Variants in RYR3 observed in about 807,000 individuals in gnomAD.
The protein encoded by RYR3 is brain ryanodine receptor-calcium release channel.
RYR3 carries 207 observed loss-of-function variants against 584.3 expected under a neutral mutation model. The ratio of observed to expected loss-of-function variants is 0.35; its 90% CI spans 0.32 to 0.40. RYR3 has a LOEUF of 0.40. RYR3 is among the 10% of genes least tolerant of loss of function. RYR3 has a pLI of 1.00. For synonymous variants in RYR3, 2,416 were observed against 2,248.5 expected (o/e 1.07, Z -2.11); for missense variants, 5,616 against 6,089.2 (o/e 0.92, Z 2.59).
intron 1 of RYR3, among the ~76,000 whole-genome samples, chr15:33,326,204 G>A (rs1284974088): frequency 1.3e-5 from 2 of 152,044 alleles, no homozygotes; most frequent in African/African-American, 4.8e-5. Context: ...AGAACCATAG[G>A]GCATTATAGA....
At chr15:33,613,929 A>G (rs1382917674) in intron 19 of RYR3, among the ~76,000 whole-genome samples, 1 of 152,270 alleles carries the variant, frequency 6.6e-6, no homozygotes, top group East Asian at 1.9e-4. Context: ...TGGCTGTTTC[A>G]TGATACAGCC....
At chr15:33,756,542 A>AG (rs58736781) in intron 59 of RYR3, among the ~76,000 whole-genome samples, 169 bp downstream of exon 59, 11,774 of 151,964 alleles carry the variant, frequency 0.077, 1,319 homozygotes, top group African/African-American at 0.25. Context: ...CAGTCCAAGG[A>AG]GGGATGCAGT....
chr15:33,640,500 C>T (rs532261413), intron 27 of RYR3, among the ~76,000 whole-genome samples: 1 of 152,286 alleles, frequency 6.6e-6, no homozygotes, highest in South Asian at 2.1e-4. Flanking sequence ...CAGCTTTTCC[C>T]TTGCTGGTAG....
intron 1 of RYR3, among the ~76,000 whole-genome samples, chr15:33,437,879 C>T (rs532189390): frequency 2.7e-4 from 41 of 152,278 alleles, no homozygotes; most frequent in African/African-American, 9.6e-4. Context: ...ACTACAGACC[C>T]ACCTGGCTAT....
chr15:33,861,961 C>T (rs984199628), intron 102 of RYR3, among the ~76,000 whole-genome samples: 1 of 151,988 alleles, frequency 6.6e-6, no homozygotes, highest in Non-Finnish European at 1.5e-5. Flanking sequence ...CAATGCCTGG[C>T]ACCCAGTAGG....
At chr15:33,601,598 G>A (rs2059663250) in intron 17 of RYR3, 46 bp downstream of exon 17, 3 of 1,605,368 alleles carry the variant, frequency 1.9e-6, no homozygotes, top group African/African-American at 1.3e-5. Flanking sequence ...AGTTCTGCCT[G>A]TCTTGTCCCC....
At chr15:33,659,224 A>C (rs2152701231) in intron 32 of RYR3, among the ~76,000 whole-genome samples, 1 of 151,104 alleles carries the variant, frequency 6.6e-6, no homozygotes, top group East Asian at 2.0e-4. Context: ...AGGTTGAGAA[A>C]CCCTACCATG....
At chr15:33,750,456 T>C (rs973879507) in intron 57 of RYR3, among the ~76,000 whole-genome samples, 170 bp downstream of exon 57, 4 of 152,244 alleles carry the variant, frequency 2.6e-5, no homozygotes, top group African/African-American at 9.6e-5. Flanking sequence ...GCAGAAATGT[T>C]AGGTATTAAT....
rs10631080 is a variant in RYR3, at chr15:33,819,675, AAAAT to A, written c.10707-37_10707-34del. The A allele has an allele frequency of 9.0e-3, 5,857 of 653,368 alleles. 49 individuals are homozygous for A. The highest frequency in any genetic ancestry group is 0.039 in the African/African-American group (1,787 of 46,334). The allele number at this position is 653,368 out of a possible 1,614,324, so 40.5% of individuals were successfully genotyped here. On this transcript the variant is annotated intron_variant, in intron 76 of 103. Coordinates refer to ENST00000634891, the MANE Select transcript of RYR3 (RefSeq NM_001036.6). ...GGGGACAAGAGAAAACTCTGTCTCA[AAAAT>A]AAATAAATAAATAAATAAATAAATA...
chr15:33,602,660 T>TAATGA (rs2059719340), intron 17 of RYR3, among the ~76,000 whole-genome samples: 1 of 151,904 alleles, frequency 6.6e-6, no homozygotes, highest in African/African-American at 2.4e-5. Context: ...TTATGTTTTG[T>TAATGA]AATGAAAATG....
At chr15:33,706,030 T>C (rs1350596921) in intron 42 of RYR3, among the ~76,000 whole-genome samples, 3 of 152,138 alleles carry the variant, frequency 2.0e-5, no homozygotes, top group African/African-American at 7.2e-5. Context: ...TGATAATCAA[T>C]CTTGTTAATC....
intron 2 of RYR3, among the ~76,000 whole-genome samples, chr15:33,495,622 G>C (rs1474942988): frequency 1.3e-5 from 2 of 152,040 alleles, no homozygotes; most frequent in South Asian, 4.2e-4. Flanking sequence ...GTTTTACCTA[G>C]TTCCTTTGTA....
intron 2 of RYR3, among the ~76,000 whole-genome samples, chr15:33,495,757 A>G (rs1291813356): frequency 6.6e-6 from 1 of 152,230 alleles, no homozygotes; most frequent in African/African-American, 2.4e-5. Flanking sequence ...TAAACTATCA[A>G]CAACTTTCCA....
chr15:33,581,705 C>G (rs2058602272), intron 14 of RYR3, 62 bp downstream of exon 14: 3 of 1,445,816 alleles, frequency 2.1e-6, no homozygotes. Flanking sequence ...ACGTGCAATC[C>G]CAAGATTGTC....
intron 67 of RYR3, among the ~76,000 whole-genome samples, chr15:33,798,199 C>T (rs904014741): frequency 6.6e-6 from 1 of 152,138 alleles, no homozygotes; most frequent in Non-Finnish European, 1.5e-5. Context: ...AGCGGTTCTC[C>T]TGCCTCAGCC....
rs148816068 is a variant in RYR3, at chr15:33,409,245, A to G, written c.52-64174A>G. 4.3e-3 allele frequency among the ~76,000 whole-genome samples: 650 copies of G among 152,210 alleles called. 5 individuals carry two copies. Among genetic ancestry groups the G allele is most frequent in the African/African-American group, 0.015 (618 of 41,508 alleles). ...CATGTGTACAATGTGCAGGTTAGTT[A>G]CATATGTATACATGTGCCATGTTGG... On this transcript the variant is annotated intron_variant, in intron 1 of 103. Coordinates refer to ENST00000634891, the MANE Select transcript of RYR3 (RefSeq NM_001036.6).
At chr15:33,348,398 C>T (rs1018639196) in intron 1 of RYR3, among the ~76,000 whole-genome samples, 2 of 152,322 alleles carry the variant, frequency 1.3e-5, no homozygotes, top group African/African-American at 4.8e-5. Flanking sequence ...TTGTTTCATA[C>T]ATGGTAATAC....
In RYR3 at chr15:33,527,551, A is replaced by G. The variant is rs1466713920; in HGVS notation, c.280-3041A>G. ...GTGAGCCGAGATTGCACCACTGCAC[A>G]CCAGCCTGGGCAACAGAGGGACACA... On this transcript the variant is annotated intron_variant, in intron 3 of 103. Transcript: ENST00000634891. Among the ~76,000 whole-genome samples the G allele has an allele frequency of 6.0e-5, 9 of 150,018 alleles. No individual in the cohort carries two copies. In the East Asian group the frequency reaches 1.8e-3, roughly 30 times the overall value.
chr15:33,454,226 C>T (rs1269828701), intron 1 of RYR3, among the ~76,000 whole-genome samples: 2 of 152,202 alleles, frequency 1.3e-5, no homozygotes, highest in African/African-American at 4.8e-5. Context: ...ACTAACGGCA[C>T]TCTGACTGAG....
Sources: gnomAD v4.1 joint callset for allele counts (sites outside exome capture counted in the v4.1 genomes callset) on GRCh38, gnomAD v4.1.1 for gene constraint, MANE v1.5 for transcripts, NCBI Gene and HGNC (gene_info 2026-07-23, HGNC 2026-07-21) for gene names.